Variants in FANCC observed in about 807,000 individuals in gnomAD.
FANCC encodes Fanconi anemia group C protein.
In FANCC, 55 loss-of-function variants were observed where a neutral mutation model predicts 71.3. The observed-to-expected ratio is 0.77, with a 90% CI of 0.62 to 0.97. The LOEUF is 0.97. Ranked by LOEUF, FANCC falls within the 50% of genes least tolerant of loss-of-function variation. FANCC has a pLI of 0.00. For synonymous variants in FANCC, 275 were observed against 244.9 expected, an observed-to-expected ratio of 1.12 and a Z score of -1.15; for missense variants, 678 against 670.9, an observed-to-expected ratio of 1.01 and a Z score of -0.12.
intron 1 of FANCC, among the ~76,000 whole-genome samples, chr9:95,279,555 G>A (rs567930125): frequency 1.3e-5 from 2 of 150,572 alleles, no homozygotes; most frequent in African/African-American, 4.9e-5. Flanking sequence ...AATAAAAGGA[G>A]AAACAGAGTT....
intron 1 of FANCC, among the ~76,000 whole-genome samples, chr9:95,253,202 A>C (rs1228219063): frequency 1.3e-5 from 2 of 152,168 alleles, no homozygotes; most frequent in Admixed American, 1.3e-4. Context: ...GGAGGGGTGA[A>C]AACATGGTGC....
chr9:95,110,549 A>AATT, intron 13 of FANCC: 1 of 1,032,186 alleles, frequency 9.7e-7, no homozygotes, highest in Non-Finnish European at 1.2e-6. Flanking sequence ...ATCCAAAATA[A>AATT]ATTATCACCA....
In FANCC at chr9:95,247,483, T is replaced by C; in HGVS notation, c.199A>G (p.Ile67Val). Reference sequence around the variant, plus strand: ...CAAGCTTTTGCCAACAGTTGACCAATTGTGGGGAATCTTTCAATGACTGTA... The same window carrying C: ...CAAGCTTTTGCCAACAGTTGACCAACTGTGGGGAATCTTTCAATGACTGTA... ...SNTVIERFPT[I>V]GQLLAKACWN... Residue 67 changes from isoleucine (I) to valine (V), a missense_variant, in exon 3 of 15, where the codon ATT (isoleucine) becomes GTT (valine). By Grantham distance (29) the Ile-to-Val change is conservative. Coordinates refer to ENST00000289081, the MANE Select transcript of FANCC (RefSeq NM_000136.3). 6.2e-7 allele frequency: 1 copy of C among 1,613,718 alleles called. No homozygotes were observed. The highest frequency in any genetic ancestry group is 8.5e-7 in the Non-Finnish European group (1 of 1,179,766).
chr9:95,126,716 G>C (rs888918029), intron 8 of FANCC, 135 bp from the exon 9 acceptor site: 1 of 853,598 alleles, frequency 1.2e-6, no homozygotes, highest in Non-Finnish European at 1.9e-6. Flanking sequence ...TTAGAAGAAC[G>C]AACCACTGCT....
chr9:95,223,629 AAT>A (rs1829422631), intron 4 of FANCC, among the ~76,000 whole-genome samples: 1 of 152,192 alleles, frequency 6.6e-6, no homozygotes. Context: ...AAAGTCGAAA[AAT>A]ATAATGAATA....
rs201624152 is a variant in FANCC, at chr9:95,221,219, AC to A, written c.345+19429del. 9.7e-3 allele frequency among the ~76,000 whole-genome samples: 1,472 copies of A among 152,272 alleles called. 24 individuals carry two copies. The highest frequency in any genetic ancestry group is 0.034 in the African/African-American group (1,401 of 41,548). On this transcript the variant is annotated intron_variant, in intron 4 of 14. Transcript: ENST00000289081. ...GACAGAGCATCTGAAAAAAACAAAA[AC>A]AAAAACAAAAAGCCACACACAAAAT...
chr9:95,118,358 T>C (rs2072597886), intron 10 of FANCC, among the ~76,000 whole-genome samples: 1 of 152,240 alleles, frequency 6.6e-6, no homozygotes, highest in Non-Finnish European at 1.5e-5. Context: ...TGTAAAACTG[T>C]GCTCGCATTT....
intron 1 of FANCC, among the ~76,000 whole-genome samples, chr9:95,285,860 C>T (rs4647399): frequency 0.014 from 2,074 of 152,132 alleles, 43 homozygotes; most frequent in African/African-American, 0.047. Context: ...AGGAAATAAC[C>T]AGAGATGTAC....
intron 1 of FANCC, among the ~76,000 whole-genome samples, chr9:95,297,960 C>T (rs1339229318): frequency 6.6e-6 from 1 of 152,136 alleles, no homozygotes; most frequent in Non-Finnish European, 1.5e-5. Flanking sequence ...AGTAAGGACT[C>T]TGGACTTTAT....
In FANCC at chr9:95,101,691, A is replaced by G. The variant is rs767209716; in HGVS notation, c.*16T>C. The G allele has an allele frequency of 3.7e-6, 6 of 1,613,180 alleles. No individual in the cohort carries two copies. The highest frequency in any genetic ancestry group is 1.7e-4 in the Middle Eastern group (1 of 5,772). On this transcript the variant is annotated 3_prime_UTR_variant, in exon 15 of 15. Transcript: ENST00000289081. ...CTGATCCCTCACGCCGGGCACCCAC[A>G]CGGCCTGCGTGCCTTCTAGACTTGA...
At chr9:95,301,326 A>G (rs893114007) in intron 1 of FANCC, among the ~76,000 whole-genome samples, 8 of 152,212 alleles carry the variant, frequency 5.3e-5, no homozygotes, top group African/African-American at 1.9e-4. Flanking sequence ...TATTTATAAT[A>G]TCATAACATT....
intron 1 of FANCC, among the ~76,000 whole-genome samples, chr9:95,270,919 T>A (rs1024072576): frequency 6.6e-6 from 1 of 152,170 alleles, no homozygotes; most frequent in East Asian, 1.9e-4. Flanking sequence ...TTAGGTGTAG[T>A]GGAGAGGAGC....
At chr9:95,146,623 C>T (rs551354172) in intron 7 of FANCC, among the ~76,000 whole-genome samples, 8 of 151,182 alleles carry the variant, frequency 5.3e-5, no homozygotes, top group Non-Finnish European at 1.2e-4. Flanking sequence ...GCATGTATAC[C>T]TTGAATTCGG....
chr9:95,244,618 G>A (rs1228502779), intron 3 of FANCC, among the ~76,000 whole-genome samples: 1 of 129,808 alleles, frequency 7.7e-6, no homozygotes, highest in African/African-American at 2.8e-5. Context: ...GGCAAAGGTT[G>A]CAGTGAGCCG....
At chr9:95,205,045 G>A (rs1393765262) in intron 4 of FANCC, among the ~76,000 whole-genome samples, 1 of 152,170 alleles carries the variant, frequency 6.6e-6, no homozygotes, top group Admixed American at 6.5e-5. Context: ...AATGACTAAA[G>A]CATTTTTAAA....
At chr9:95,201,087 A>G (rs755035123) in intron 4 of FANCC, among the ~76,000 whole-genome samples, 78 of 152,264 alleles carry the variant, frequency 5.1e-4, no homozygotes, top group Non-Finnish European at 2.6e-4. Context: ...ATGTAAAAAT[A>G]CAATTAACAA....
At chr9:95,131,045 C>T (rs972341695) in intron 8 of FANCC, among the ~76,000 whole-genome samples, 6 of 152,128 alleles carry the variant, frequency 3.9e-5, no homozygotes, top group Non-Finnish European at 8.8e-5. Context: ...AATTTGAGCT[C>T]GGAAAAATTA....
At chr9:95,305,159 T>C (rs530215174) in intron 1 of FANCC, among the ~76,000 whole-genome samples, 1 of 152,178 alleles carries the variant, frequency 6.6e-6, no homozygotes, top group African/African-American at 2.4e-5. Flanking sequence ...TTTAATGCAA[T>C]TACCAATAAA....
At chr9:95,268,904 C>T (rs1374793339) in intron 1 of FANCC, among the ~76,000 whole-genome samples, 2 of 152,186 alleles carry the variant, frequency 1.3e-5, no homozygotes, top group African/African-American at 4.8e-5. Flanking sequence ...AGCCGCTGTG[C>T]TCTCAGAACC....
Sources: gnomAD v4.1 joint callset for allele counts (sites outside exome capture counted in the v4.1 genomes callset) on GRCh38, gnomAD v4.1.1 for gene constraint, MANE v1.5 for transcripts, NCBI Gene and HGNC (gene_info 2026-07-23, HGNC 2026-07-21) for gene names.